The following WWOX variants were observed in gnomAD, a reference collection of about 807,000 sequenced individuals.
The protein encoded by WWOX is WW domain containing oxidoreductase, also known as WW domain-containing oxidoreductase.
In WWOX, 69 loss-of-function variants were observed where a neutral mutation model predicts 46.2. The ratio of observed to expected loss-of-function variants is 1.49; its 90% CI spans 1.23 to 1.82. WWOX has a LOEUF of 1.82. Ranked by LOEUF, WWOX falls within the 40% of genes most tolerant of loss-of-function variation. The probability of loss-of-function intolerance (pLI) is 0.00; values close to 1 mark genes in which losing one functional copy is unlikely to be tolerated. For synonymous variants in WWOX, 359 were observed against 202.6 expected (o/e 1.77, Z -6.56); for missense variants, 919 against 542.6 (o/e 1.69, Z -6.89).
At chr16:78,228,206 GT>G (rs2037131987) in intron 5 of WWOX, among the ~76,000 whole-genome samples, 2 of 152,092 alleles carry the variant, frequency 1.3e-5, no homozygotes, top group Non-Finnish European at 2.9e-5. Context: ...AGAGTCCAGG[GT>G]GTTCTCTTAC....
At chr16:78,818,764 C>G (rs1268236096) in intron 8 of WWOX, among the ~76,000 whole-genome samples, 3 of 152,160 alleles carry the variant, frequency 2.0e-5, no homozygotes, top group Admixed American at 6.5e-5. Context: ...ATTAACTATT[C>G]GGGGCCTTAG....
intron 5 of WWOX, among the ~76,000 whole-genome samples, chr16:78,243,413 G>A (rs1464323049): frequency 1.3e-5 from 2 of 152,016 alleles, no homozygotes; most frequent in Admixed American, 6.6e-5. Flanking sequence ...CTGTTAAATA[G>A]GTAAATGACA....
rs747599678 is a variant in WWOX, at chr16:79,211,918, G to C, written c.*122G>C. Reference sequence around the variant, plus strand: ...AGATCCGCAAGAGTAAAGGAAATAAGAGCAGTCACAACAGAGTGAAAAATC... The same window carrying C: ...AGATCCGCAAGAGTAAAGGAAATAACAGCAGTCACAACAGAGTGAAAAATC... On this transcript the variant is annotated 3_prime_UTR_variant, in exon 9 of 9. Coordinates refer to ENST00000566780, the MANE Select transcript of WWOX (RefSeq NM_016373.4). 1 of 1,544,704 alleles carries C rather than the reference G, an allele frequency of 6.5e-7. No individual in the cohort carries two copies. Among genetic ancestry groups the C allele is most frequent in the Non-Finnish European group, 8.7e-7 (1 of 1,149,544 alleles).
intron 5 of WWOX, among the ~76,000 whole-genome samples, chr16:78,378,409 G>A (rs1302705634): frequency 6.6e-6 from 1 of 152,100 alleles, no homozygotes. Flanking sequence ...AGAGAGAAAA[G>A]AATCACTAGT....
At chr16:79,093,445 A>G (rs1329991488) in intron 8 of WWOX, among the ~76,000 whole-genome samples, 4 of 152,208 alleles carry the variant, frequency 2.6e-5, no homozygotes, top group South Asian at 4.1e-4. Flanking sequence ...TTTGATTTAG[A>G]TAGAGCTTTT....
At chr16:78,252,446 A>G (rs1376942473) in intron 5 of WWOX, among the ~76,000 whole-genome samples, 3 of 152,226 alleles carry the variant, frequency 2.0e-5, no homozygotes, top group Admixed American at 6.5e-5. Context: ...ATACATACAG[A>G]CACACACACT....
chr16:78,329,927 G>A (rs1026492457), intron 5 of WWOX, among the ~76,000 whole-genome samples: 1 of 151,740 alleles, frequency 6.6e-6, no homozygotes, highest in Non-Finnish European at 1.5e-5. Context: ...TTTAGTTTTT[G>A]TAGAGACAAG....
intron 5 of WWOX, among the ~76,000 whole-genome samples, chr16:78,224,653 G>C (rs927342075): frequency 5.3e-5 from 8 of 152,162 alleles, no homozygotes; most frequent in African/African-American, 1.9e-4. Flanking sequence ...ACACCAGTGA[G>C]TGATTCCTTG....
intron 8 of WWOX, among the ~76,000 whole-genome samples, chr16:78,485,376 A>G (rs2667576): frequency 0.3 from 45,158 of 151,754 alleles, 9,237 homozygotes; most frequent in African/African-American, 0.59. Context: ...CTCCCTAAGG[A>G]ACCCTGTTTT....
At chr16:78,604,225 T>A (rs2045690498) in intron 8 of WWOX, among the ~76,000 whole-genome samples, 1 of 152,208 alleles carries the variant, frequency 6.6e-6, no homozygotes, top group South Asian at 2.1e-4. Context: ...ATACTTTGTT[T>A]ACATGTACTC....
At chr16:79,128,318 C>T (rs943156010) in intron 8 of WWOX, among the ~76,000 whole-genome samples, 11 of 143,438 alleles carry the variant, frequency 7.7e-5, no homozygotes, top group South Asian at 2.3e-4. Flanking sequence ...GTTAGTACAA[C>T]GTCCCCTAAT....
Position 78,109,786 on chromosome 16 carries a change from T to C in WWOX, c.181T>C (p.Tyr61His), listed in dbSNP as rs1309675914. ...TCTTTCTTGTGTTTCAGATTTGCCA[T>C]ACGGATGGGAACAAGAAACTGATGA... ...KRKRVAGDLPYGWEQETDENG... is the reference protein window; with the variant it reads ...KRKRVAGDLPHGWEQETDENG... Residue 61 changes from tyrosine (Y) to histidine (H), a missense_variant, in exon 3 of 9, where the codon TAC becomes CAC. Transcript: ENST00000566780. 1.2e-6 allele frequency: 2 copies of C among 1,614,042 alleles called. No individual in the cohort carries two copies. Among genetic ancestry groups the C allele is most frequent in the East Asian group, 2.2e-5 (1 of 44,882 alleles).
chr16:79,031,092 C>CAAAA (rs60529075), intron 8 of WWOX, among the ~76,000 whole-genome samples: 3 of 127,338 alleles, frequency 2.4e-5, no homozygotes, highest in Non-Finnish European at 3.3e-5. Flanking sequence ...GACCCTGTCT[C>CAAAA]AAAAAAAAAA....
chr16:78,566,542 A>C (rs2151566319), intron 8 of WWOX, among the ~76,000 whole-genome samples: 1 of 152,246 alleles, frequency 6.6e-6, no homozygotes, highest in African/African-American at 2.4e-5. Flanking sequence ...GGTTCCAAGG[A>C]CCAACTGAGG....
chr16:79,014,916 G>T (rs918342419), intron 8 of WWOX, among the ~76,000 whole-genome samples: 2 of 152,132 alleles, frequency 1.3e-5, no homozygotes, highest in African/African-American at 4.8e-5. Flanking sequence ...TACCTGTGGT[G>T]GCACCCAGGA....
At chr16:79,091,774 T>C (rs1010431461) in intron 8 of WWOX, among the ~76,000 whole-genome samples, 3 of 141,702 alleles carry the variant, frequency 2.1e-5, no homozygotes, top group Admixed American at 7.3e-5. Context: ...TCTTTTCTTT[T>C]CTTTGTTTTT....
intron 8 of WWOX, among the ~76,000 whole-genome samples, chr16:78,872,460 G>A (rs949833670): frequency 1.3e-5 from 2 of 152,200 alleles, no homozygotes; most frequent in African/African-American, 4.8e-5. Flanking sequence ...AGATGAGACA[G>A]TGAATTACAG....
At chr16:78,133,043 A>G (rs1042293553) in intron 4 of WWOX, among the ~76,000 whole-genome samples, 6 of 152,090 alleles carry the variant, frequency 3.9e-5, no homozygotes, top group South Asian at 4.1e-4. Flanking sequence ...CAAACTTTTT[A>G]CTTCTTATTA....
intron 8 of WWOX, among the ~76,000 whole-genome samples, chr16:78,982,756 T>G (rs1033732924): frequency 6.6e-6 from 1 of 152,180 alleles, no homozygotes; most frequent in African/African-American, 2.4e-5. Context: ...CTCGAGAAGT[T>G]TGCATTAATA....
Sources: allele counts gnomAD v4.1 joint callset (sites outside exome capture counted in the v4.1 genomes callset), GRCh38; gene constraint gnomAD v4.1.1; transcripts MANE v1.5; gene names NCBI Gene and HGNC (gene_info 2026-07-23, HGNC 2026-07-21).